MND1: variants seen among roughly 807,000 people sequenced by gnomAD.
The protein encoded by MND1 is meiotic nuclear divisions 1.
MND1 carries 28 observed loss-of-function variants against 35.1 expected under a neutral mutation model. The ratio of observed to expected loss-of-function variants is 0.80; its 90% CI spans 0.59 to 1.09. The LOEUF is 1.09. Among genes scored for constraint, MND1 ranks in the 50% least tolerant of loss-of-function variants. MND1 has a pLI of 0.00. For missense variants in MND1, 213 were observed against 239.6 expected (o/e 0.89, Z 0.73); for synonymous variants, 69 against 70.5 (o/e 0.98, Z 0.11).
intron 4 of MND1, among the ~76,000 whole-genome samples, chr4:153,388,511 C>G (rs1323822129): frequency 2.0e-5 from 3 of 152,128 alleles, no homozygotes; most frequent in South Asian, 2.1e-4. Context: ...AGATGAAATC[C>G]TGTTTTTACT....
chr4:153,384,834 C>G (rs1728809542), intron 4 of MND1, among the ~76,000 whole-genome samples: 1 of 152,062 alleles, frequency 6.6e-6, no homozygotes, highest in South Asian at 2.1e-4. Flanking sequence ...GATTTCTGGA[C>G]TACATTTCTT....
intron 4 of MND1, among the ~76,000 whole-genome samples, chr4:153,385,525 G>A (rs79114496): frequency 0.029 from 4,426 of 152,032 alleles, 224 homozygotes; most frequent in African/African-American, 0.099. Context: ...GGACCAGCCT[G>A]GTCAACATGG....
intron 2 of MND1, among the ~76,000 whole-genome samples, chr4:153,354,124 G>A (rs1384261464): frequency 6.6e-6 from 1 of 151,300 alleles, no homozygotes; most frequent in African/African-American, 2.4e-5. Context: ...ATTAGCAGTA[G>A]AAAATAATAT....
intron 4 of MND1, among the ~76,000 whole-genome samples, chr4:153,364,080 TAAA>T (rs1248733650): frequency 1.3e-5 from 2 of 151,866 alleles, no homozygotes; most frequent in East Asian, 3.9e-4. Context: ...ATAATAATAA[TAAA>T]TTTTTTTCAA....
chr4:153,351,143 T>A (rs1773208554), intron 2 of MND1, among the ~76,000 whole-genome samples: 1 of 152,184 alleles, frequency 6.6e-6, no homozygotes, highest in Non-Finnish European at 1.5e-5. Flanking sequence ...ATATTTTTCC[T>A]ATGGTCTCAG....
chr4:153,414,135 A>G (rs1015265917), intron 7 of MND1, among the ~76,000 whole-genome samples: 4 of 152,184 alleles, frequency 2.6e-5, no homozygotes, highest in African/African-American at 9.7e-5. Context: ...CTGAGGCAAC[A>G]GTCCTGGCCT....
Position 153,348,655 on chromosome 4 carries a change from G to GT in MND1, c.4-1400dup, listed in dbSNP as rs369698380. ...TGTGGGAATGAGTTAGTGGGTTGTT[G>GT]TTTTTTTTTGTGTGTGTGGGCTTTG... On this transcript the variant is annotated intron_variant, in intron 1 of 7. Coordinates refer to ENST00000240488, the MANE Select transcript of MND1 (RefSeq NM_032117.4). Among the ~76,000 whole-genome samples, 191 of 151,464 alleles carry GT rather than the reference G, an allele frequency of 1.3e-3. 1 individual carries two copies. Among genetic ancestry groups the GT allele is most frequent in the African/African-American group, 3.9e-3 (160 of 41,334 alleles).
intron 1 of MND1, among the ~76,000 whole-genome samples, chr4:153,345,169 C>CA (rs567494662): frequency 1.3e-5 from 2 of 152,352 alleles, no homozygotes; most frequent in Middle Eastern, 3.4e-3. Flanking sequence ...GTAGCCCCCC[C>CA]CATTAAGAAC....
chr4:153,361,762 C>T (rs531722580), intron 4 of MND1: 12 of 319,558 alleles, frequency 3.8e-5, no homozygotes, highest in South Asian at 1.3e-4. Context: ...GGCATGAACC[C>T]GGGAGGTGGA....
At chr4:153,400,261 G>A (rs1371012850) in intron 6 of MND1, among the ~76,000 whole-genome samples, 2 of 151,672 alleles carry the variant, frequency 1.3e-5, no homozygotes, top group East Asian at 3.9e-4. Flanking sequence ...AGTTATTTAT[G>A]CAACCATGTA....
chr4:153,414,987 G>C lies in MND1; in HGVS notation c.*130G>C. 1 of 432,578 alleles carries C rather than the reference G, an allele frequency of 2.3e-6. No homozygotes were observed. Among genetic ancestry groups the C allele is most frequent in the Non-Finnish European group, 4.2e-6 (1 of 237,838 alleles). 26.8% of individuals were successfully genotyped at this position (432,578 alleles called of 1,614,324 possible). A position where few individuals can be genotyped will look rare whatever the true frequency, so the allele number is the denominator to read the frequency against. On this transcript the variant is annotated 3_prime_UTR_variant, in exon 8 of 8. Coordinates refer to ENST00000240488, the MANE Select transcript of MND1 (RefSeq NM_032117.4). ...TCATTTTATTAATGTTAAATAAAGT[G>C]TAAAATGCAGATGTTCTTCACCCCT...
chr4:153,356,790 A>G (rs77028787), intron 3 of MND1, among the ~76,000 whole-genome samples: 1 of 150,366 alleles, frequency 6.7e-6, no homozygotes, highest in East Asian at 1.9e-4. Flanking sequence ...ATTTTATTTT[A>G]TTTATTTATT....
chr4:153,401,140 C>T (rs186864148), intron 6 of MND1, among the ~76,000 whole-genome samples: 54 of 152,164 alleles, frequency 3.5e-4, no homozygotes, highest in African/African-American at 1.3e-3. Context: ...CAGTGGCTCA[C>T]GCCTGTAATT....
intron 4 of MND1, among the ~76,000 whole-genome samples, chr4:153,385,448 G>T (rs1728826051): frequency 6.6e-6 from 1 of 152,100 alleles, no homozygotes; most frequent in Non-Finnish European, 1.5e-5. Context: ...AGGCACAGTG[G>T]CTCATGCCTG....
At chr4:153,353,603 C>CTTG (rs1446073490) in intron 2 of MND1, among the ~76,000 whole-genome samples, 18 of 150,908 alleles carry the variant, frequency 1.2e-4, no homozygotes, top group Non-Finnish European at 2.2e-4. Context: ...CTTTATAGTG[C>CTTG]CCTTGGATGA....
intron 6 of MND1, among the ~76,000 whole-genome samples, chr4:153,403,212 A>T (rs1030157020): frequency 6.6e-6 from 1 of 152,208 alleles, no homozygotes; most frequent in African/African-American, 2.4e-5. Context: ...TAGAAGGCCT[A>T]CATGCATGCT....
rs141631431 is a variant in MND1 at position 153,384,386 on chromosome 4, C to T, written c.277-9876C>T. ...TGTGGCTCAAGTGATCCTCATTCCT[C>T]ACCCTCTTGAGTAGCTAGGACTACA... On this transcript the variant is annotated intron_variant, in intron 4 of 7. Coordinates refer to ENST00000240488, the MANE Select transcript of MND1 (RefSeq NM_032117.4). Among the ~76,000 whole-genome samples the T allele has an allele frequency of 4.5e-3, 645 of 143,768 alleles. 1 individual carries two copies. Among genetic ancestry groups the T allele is most frequent in the Non-Finnish European group, 7.7e-3 (513 of 66,466 alleles). 94.3% of individuals were successfully genotyped at this position (143,768 alleles called of 152,430 possible). A position where few individuals can be genotyped will look rare whatever the true frequency, so the allele number is the denominator to read the frequency against.
intron 6 of MND1, among the ~76,000 whole-genome samples, chr4:153,397,822 AAAAAG>A: frequency 6.6e-6 from 1 of 152,354 alleles, no homozygotes; most frequent in Non-Finnish European, 1.5e-5. Context: ...TGTCTCAAAA[AAAAAG>A]AGAGAAGTCT....
intron 4 of MND1, among the ~76,000 whole-genome samples, chr4:153,378,735 A>G (rs1728579226): frequency 6.6e-6 from 1 of 152,218 alleles, no homozygotes; most frequent in African/African-American, 2.4e-5. Context: ...ATATCCCAAC[A>G]TGTGCAAAGT....
Sources: gnomAD v4.1 joint callset for allele counts (sites outside exome capture counted in the v4.1 genomes callset) on GRCh38, gnomAD v4.1.1 for gene constraint, MANE v1.5 for transcripts, NCBI Gene and HGNC (gene_info 2026-07-23, HGNC 2026-07-21) for gene names.